Variants in PAK3 observed in about 807,000 individuals in gnomAD.
PAK3 encodes the protein p21 (RAC1) activated kinase 3, also known as serine/threonine-protein kinase PAK 3.
In PAK3, 4 loss-of-function variants were observed where a neutral mutation model predicts 41.0. That is an observed-to-expected ratio of 0.10 (90% confidence interval 0.05 to 0.22). The LOEUF (loss-of-function observed/expected upper bound fraction) is 0.22. Among genes scored for constraint, PAK3 ranks in the 10% least tolerant of loss-of-function variants. The pLI is 1.00. For synonymous variants in PAK3, 146 were observed against 139.6 expected, an observed-to-expected ratio of 1.05 and a Z score of -0.32; for missense variants, 205 against 409.9, an observed-to-expected ratio of 0.50 and a Z score of 4.32.
rs145337872 is a variant in PAK3, at chrX:111,102,430, G to A, written c.-175-729G>A. 6.5e-3 allele frequency among the ~76,000 whole-genome samples: 724 copies of A among 112,215 alleles called. 1 individual carries two copies. The highest frequency in any genetic ancestry group is 9.3e-3 in the Middle Eastern group (2 of 215). ...AGCTCCAATTAGGGTCAGAGGCTGG[G>A]GCCTTCAGCACCTGTGAGATGGTAG... On this transcript the variant is annotated intron_variant, in intron 3 of 17. Transcript: ENST00000372007.
chrX:111,165,675 G>A (rs1222498520), intron 10 of PAK3, among the ~76,000 whole-genome samples: 1 of 112,417 alleles, frequency 8.9e-6, no homozygotes, highest in Non-Finnish European at 1.9e-5. Flanking sequence ...ATGTAGACAT[G>A]ACCTATGTGA....
In PAK3 at chrX:111,115,000, G is replaced by A. The variant is rs368839574; in HGVS notation, c.-27-8077G>A. Among the ~76,000 whole-genome samples the A allele has an allele frequency of 1.6e-3, 181 of 112,261 alleles. 2 individuals carry two copies. Among genetic ancestry groups the A allele is most frequent in the African/African-American group, 5.7e-3 (176 of 30,921 alleles). On this transcript the variant is annotated intron_variant, in intron 4 of 17. Coordinates refer to ENST00000372007, the MANE Select transcript of PAK3 (RefSeq NM_002578.5). ...CCCTAACTTCCTTCTTGTGTGGTAA[G>A]GGCTGGGCCCTGTGATCTCAGCTTG...
chrX:111,161,242 T>G (rs1179487513), intron 8 of PAK3, among the ~76,000 whole-genome samples: 1 of 112,240 alleles, frequency 8.9e-6, no homozygotes. Flanking sequence ...TTTCATGTGT[T>G]TTTTGGCGGC....
chrX:111,083,933 G>T (rs1334734539), intron 1 of PAK3, among the ~76,000 whole-genome samples: 4 of 112,641 alleles, frequency 3.6e-5, no homozygotes, highest in African/African-American at 9.7e-5. Flanking sequence ...AACAGAGAGT[G>T]GTGATCGTGG....
chrX:110,983,480 C>CAGAGAGAGAGAGAGAGAGAGAGAGAGAG (rs768492408), intron 1 of PAK3, among the ~76,000 whole-genome samples: 2 of 99,609 alleles, frequency 2.0e-5, no homozygotes, highest in African/African-American at 7.3e-5. Context: ...AAGAGAAAGA[C>CAGAGAGAGAGAGAGAGAGAGAGAGAGAG]AGAGAGAGAG....
chrX:111,182,919 T>C (rs2094475177), intron 11 of PAK3, among the ~76,000 whole-genome samples: 1 of 111,737 alleles, frequency 8.9e-6, no homozygotes, highest in Non-Finnish European at 1.9e-5. Flanking sequence ...AAACATACCA[T>C]GTCCTGGTAC....
chrX:111,180,752 A>C (rs990577001), intron 11 of PAK3, among the ~76,000 whole-genome samples: 3 of 111,705 alleles, frequency 2.7e-5, no homozygotes, highest in African/African-American at 9.8e-5. Context: ...TACTTTTTAA[A>C]CAGATGCAGT....
At chrX:111,184,316 A>G (rs1010968451) in intron 11 of PAK3, among the ~76,000 whole-genome samples, 1 of 110,974 alleles carries the variant, frequency 9.0e-6, no homozygotes, top group Non-Finnish European at 1.9e-5. Context: ...GACCCAATAC[A>G]CTGGAGAATT....
chrX:111,129,805 A>G (rs760120646), intron 5 of PAK3, among the ~76,000 whole-genome samples: 1 of 111,506 alleles, frequency 9.0e-6, no homozygotes, highest in Non-Finnish European at 1.9e-5. Context: ...CAGAGGATGG[A>G]TGGAATAAGA....
At chrX:111,051,211 CTTTG>C (rs1387319576) in intron 1 of PAK3, among the ~76,000 whole-genome samples, 1 of 111,749 alleles carries the variant, frequency 8.9e-6, no homozygotes, top group Non-Finnish European at 1.9e-5. Flanking sequence ...GGAGCAGTAA[CTTTG>C]TTTGTCTTCT....
At chrX:111,199,056 T>C (rs939218985) in intron 16 of PAK3, among the ~76,000 whole-genome samples, 3 of 111,690 alleles carry the variant, frequency 2.7e-5, no homozygotes, top group Non-Finnish European at 5.6e-5. Context: ...CCTGGTTAGC[T>C]GTATTCCTAG....
At chrX:111,194,550 CA>C in intron 14 of PAK3, 132 bp downstream of exon 14, 1 of 542,531 alleles carries the variant, frequency 1.8e-6, no homozygotes, top group Non-Finnish European at 3.3e-6. Context: ...TTGGAGAGGC[CA>C]ACTTCAATTT....
intron 4 of PAK3, among the ~76,000 whole-genome samples, chrX:111,111,824 C>T (rs1036120062): frequency 1.8e-5 from 2 of 111,591 alleles, no homozygotes; most frequent in African/African-American, 6.5e-5. Context: ...TATATCTCTA[C>T]CCTGATTTCC....
chrX:110,993,001 A>T (rs2091677262), intron 1 of PAK3, among the ~76,000 whole-genome samples: 1 of 111,400 alleles, frequency 9.0e-6, no homozygotes, highest in Non-Finnish European at 1.9e-5. Flanking sequence ...CAATCTTGCA[A>T]CCCTCTTCTG....
intron 1 of PAK3, among the ~76,000 whole-genome samples, chrX:110,999,864 C>G (rs1485880902): frequency 1.8e-5 from 2 of 110,591 alleles, no homozygotes; most frequent in East Asian, 5.7e-4. Context: ...ATCCCAGCTA[C>G]TTGGGAGGCA....
intron 1 of PAK3, among the ~76,000 whole-genome samples, chrX:110,987,434 A>G (rs1391034209): frequency 9.0e-6 from 1 of 110,903 alleles, no homozygotes; most frequent in African/African-American, 3.3e-5. Flanking sequence ...CTAGACCTAA[A>G]ATGTGTTGGA....
intron 6 of PAK3, among the ~76,000 whole-genome samples, chrX:111,144,095 C>T (rs939103357): frequency 2.7e-5 from 3 of 111,752 alleles, no homozygotes; most frequent in Non-Finnish European, 5.7e-5. Context: ...ATCTTGCTGA[C>T]TGCAGCACCA....
intron 1 of PAK3, among the ~76,000 whole-genome samples, chrX:111,051,695 GTC>G (rs954602031): frequency 1.0e-4 from 2 of 19,669 alleles, no homozygotes; most frequent in Non-Finnish European, 2.6e-4. Context: ...CCGTGTGTGT[GTC>G]TGTGTGTGTG....
At chrX:110,989,076 G>A (rs188483827) in intron 1 of PAK3, among the ~76,000 whole-genome samples, 205 of 112,073 alleles carry the variant, frequency 1.8e-3, no homozygotes, top group African/African-American at 6.4e-3. Context: ...GTCCTGACTT[G>A]ATATGTTGAA....
Sources: gnomAD v4.1 joint callset for allele counts (sites outside exome capture counted in the v4.1 genomes callset) on GRCh38, gnomAD v4.1.1 for gene constraint, MANE v1.5 for transcripts, NCBI Gene and HGNC (gene_info 2026-07-23, HGNC 2026-07-21) for gene names.